BCAR3: variants seen among roughly 807,000 people sequenced by gnomAD.
BCAR3 encodes BCAR3 adaptor protein, NSP family member.
Under a neutral mutation model 80.1 loss-of-function variants are expected in BCAR3, and 37 were observed. The ratio of observed to expected loss-of-function variants is 0.46; its 90% confidence interval spans 0.36 to 0.61. BCAR3 has a LOEUF of 0.61. BCAR3 is among the 20% of genes least tolerant of loss of function. BCAR3 has a pLI of 0.00. For synonymous variants in BCAR3, 389 were observed against 418.9 expected, an observed-to-expected ratio of 0.93 and a Z score of 0.87; for missense variants, 978 against 1,068.2, an observed-to-expected ratio of 0.92 and a Z score of 1.18.
intron 2 of BCAR3, among the ~76,000 whole-genome samples, chr1:93,772,489 C>T (rs1239479247): frequency 3.3e-5 from 5 of 152,228 alleles, no homozygotes; most frequent in Non-Finnish European, 7.3e-5. Context: ...TTCCCAGCAT[C>T]TATCTCTGCA....
intron 3 of BCAR3, among the ~76,000 whole-genome samples, chr1:93,699,775 A>G (rs1354233573): frequency 6.6e-6 from 1 of 152,200 alleles, no homozygotes; most frequent in African/African-American, 2.4e-5. Flanking sequence ...TGTAATAGCC[A>G]AGCACTGTTC....
chr1:93,710,755 T>C (rs747378512), intron 2 of BCAR3, among the ~76,000 whole-genome samples: 3 of 152,246 alleles, frequency 2.0e-5, no homozygotes, highest in Non-Finnish European at 4.4e-5. Flanking sequence ...ACGCTTTTTG[T>C]CAGTTATCTT....
chr1:93,642,713 C>T (rs1676022332), intron 2 of BCAR3, among the ~76,000 whole-genome samples: 1 of 152,230 alleles, frequency 6.6e-6, no homozygotes, highest in Non-Finnish European at 1.5e-5. Context: ...CTGGTGGTGT[C>T]TGGGTTAATC....
At chr1:93,817,007 G>A (rs1439379852) in intron 2 of BCAR3, among the ~76,000 whole-genome samples, 1 of 152,092 alleles carries the variant, frequency 6.6e-6, no homozygotes, top group Non-Finnish European at 1.5e-5. Flanking sequence ...AATAGAACTA[G>A]CCTCTGTCCT....
At position 93,723,734 on chromosome 1, in the gene BCAR3, T is replaced by C. The variant is rs370812448; in HGVS notation, c.-62-17592A>G. Among the ~76,000 whole-genome samples the C allele has an allele frequency of 8.3e-4, 126 of 152,244 alleles. 2 individuals are homozygous for C. In the South Asian group the frequency reaches 0.026, roughly 31 times the overall value. ...TGAACCTTGTCTCAGAGACAGGACC[T>C]TGAATTTGATCTAGGAGGCAGGCAA... is the stretch of plus-strand genomic sequence containing the variant. On this transcript the variant is annotated intron_variant, in intron 2 of 13. Coordinates refer to the BCAR3 transcript ENST00000370244.
chr1:93,628,750 ACTGT>A (rs1464766304), intron 3 of BCAR3, among the ~76,000 whole-genome samples: 1 of 152,096 alleles, frequency 6.6e-6, no homozygotes, highest in Non-Finnish European at 1.5e-5. Flanking sequence ...GATTGACTTG[ACTGT>A]CTTTCTTATT....
intron 2 of BCAR3, among the ~76,000 whole-genome samples, chr1:93,827,286 G>C (rs1268522109): frequency 1.3e-5 from 2 of 152,136 alleles, no homozygotes; most frequent in Non-Finnish European, 2.9e-5. Flanking sequence ...CTGGCACAGG[G>C]ACAAGTTTGT....
intron 3 of BCAR3, among the ~76,000 whole-genome samples, chr1:93,696,435 G>T (rs1190971402): frequency 6.6e-6 from 1 of 151,980 alleles, no homozygotes; most frequent in Non-Finnish European, 1.5e-5. Flanking sequence ...TCTCACCAAG[G>T]CCTGGGGACT....
intron 2 of BCAR3, among the ~76,000 whole-genome samples, chr1:93,722,829 A>G (rs1455253661): frequency 6.6e-6 from 1 of 152,116 alleles, no homozygotes; most frequent in Non-Finnish European, 1.5e-5. Context: ...TGCAGGAGCC[A>G]AGGGGGAGGG....
intron 2 of BCAR3, among the ~76,000 whole-genome samples, chr1:93,738,934 G>A (rs1344463287): frequency 6.6e-6 from 1 of 152,160 alleles, no homozygotes; most frequent in Admixed American, 6.5e-5. Context: ...CGTGGGAAGA[G>A]CAGAGGGGCA....
At chr1:93,702,183 A>G (rs1405451435) in intron 3 of BCAR3, among the ~76,000 whole-genome samples, 1 of 152,190 alleles carries the variant, frequency 6.6e-6, no homozygotes, top group African/African-American at 2.4e-5. Flanking sequence ...ACGCCATTGC[A>G]GCAGGCCCCT....
intron 2 of BCAR3, among the ~76,000 whole-genome samples, chr1:93,657,406 T>C (rs1470945791): frequency 6.6e-6 from 1 of 152,228 alleles, no homozygotes; most frequent in African/African-American, 2.4e-5. Context: ...TTGAAAATTA[T>C]ATGAACTCTT....
chr1:93,645,393 A>G (rs1239698661), intron 2 of BCAR3, among the ~76,000 whole-genome samples: 1 of 152,184 alleles, frequency 6.6e-6, no homozygotes, highest in East Asian at 1.9e-4. Context: ...AGTTTATGTA[A>G]AATAGAAGTA....
intron 2 of BCAR3, among the ~76,000 whole-genome samples, chr1:93,730,297 C>T (rs1650740034): frequency 6.6e-6 from 1 of 152,166 alleles, no homozygotes; most frequent in Non-Finnish European, 1.5e-5. Flanking sequence ...AGCTCTCTGA[C>T]AGTACCTGGA....
chr1:93,590,738 G>T (rs1055433893), intron 4 of BCAR3, among the ~76,000 whole-genome samples: 2 of 152,148 alleles, frequency 1.3e-5, no homozygotes, highest in Non-Finnish European at 1.5e-5. Flanking sequence ...TCTTAGAATT[G>T]AGCCTGTGAA....
At chr1:93,632,893 C>T (rs1675671609) in intron 3 of BCAR3, among the ~76,000 whole-genome samples, 1 of 152,016 alleles carries the variant, frequency 6.6e-6, no homozygotes, top group Non-Finnish European at 1.5e-5. Flanking sequence ...GTGGCGGGTG[C>T]CTATAATCCC....
At chr1:93,639,630 C>T (rs1289576464) in intron 3 of BCAR3, among the ~76,000 whole-genome samples, 2 of 152,096 alleles carry the variant, frequency 1.3e-5, no homozygotes, top group East Asian at 1.9e-4. Flanking sequence ...ATGCCCGCCA[C>T]CACACCCGGC....
intron 3 of BCAR3, among the ~76,000 whole-genome samples, chr1:93,608,516 C>T (rs866464176): frequency 6.6e-6 from 1 of 152,228 alleles, no homozygotes; most frequent in African/African-American, 2.4e-5. Context: ...AAGCCTCCAG[C>T]GTCCTCCCCA....
chr1:93,573,636 T>TTATTATTATTATTA (rs1557838379), intron 8 of BCAR3, among the ~76,000 whole-genome samples: 12 of 134,524 alleles, frequency 8.9e-5, no homozygotes, highest in African/African-American at 3.5e-4. Flanking sequence ...TATTATTATT[T>TTATTATTATTATTA]TTTTTTTTTT....
Sources: gnomAD v4.1 joint callset for allele counts (sites outside exome capture counted in the v4.1 genomes callset) on GRCh38, gnomAD v4.1.1 for gene constraint, MANE v1.5 for transcripts, NCBI Gene and HGNC (gene_info 2026-07-23, HGNC 2026-07-21) for gene names.